Variants in TBC1D8 observed in about 807,000 individuals in gnomAD.
The protein encoded by TBC1D8 is BUB2-like protein 1.
A neutral mutation model predicts 118.8 loss-of-function variants in TBC1D8; 65 were observed. That is an observed-to-expected ratio of 0.55 (90% CI 0.45 to 0.67). The LOEUF is 0.67. TBC1D8 is among the 30% of genes least tolerant of loss of function. The pLI is 0.00. For synonymous variants in TBC1D8, 566 were observed against 595.8 expected (o/e 0.95, Z 0.73); for missense variants, 1,376 against 1,471.2 (o/e 0.94, Z 1.06).
rs78154282 is a variant in TBC1D8 at position 101,128,545 on chromosome 2, A to C, written c.127+22582T>G. On this transcript the variant is annotated intron_variant, in intron 1 of 19. Transcript: ENST00000409318. ...GCAAAAGTCTAGGATTGTCTCAAAA[A>C]ACTTAAGCACAGAATCACCATGTGA... Among the ~76,000 whole-genome samples, 307 of 152,274 alleles carry C rather than the reference A, an allele frequency of 2.0e-3. 5 individuals carry two copies. The East Asian group carries it at 0.023, about 11-fold the overall frequency.
intron 1 of TBC1D8, among the ~76,000 whole-genome samples, chr2:101,134,849 AG>A (rs1678771912): frequency 6.6e-6 from 1 of 152,250 alleles, no homozygotes; most frequent in African/African-American, 2.4e-5. Flanking sequence ...CTGGCTTTCC[AG>A]GTTGCACATG....
At chr2:101,077,918 A>G (rs992650837) in intron 2 of TBC1D8, among the ~76,000 whole-genome samples, 2 of 152,338 alleles carry the variant, frequency 1.3e-5, no homozygotes, top group Admixed American at 6.5e-5. Context: ...ACTCCTGCAG[A>G]TAACAACACT....
chr2:101,130,716 T>C lies in TBC1D8; in HGVS notation c.127+20411A>G, dbSNP rs538792813. Reference sequence around the variant, plus strand: ...AGAATTCCAACCCCAGATTAATCACTAGAGTAATCTTCAAGCTCCATGAGG... The same window carrying C: ...AGAATTCCAACCCCAGATTAATCACCAGAGTAATCTTCAAGCTCCATGAGG... On this transcript the variant is annotated intron_variant, in intron 1 of 19. Transcript: ENST00000409318. Among the ~76,000 whole-genome samples the C allele has an allele frequency of 3.3e-5, 5 of 152,290 alleles. No individual in the cohort carries two copies. The East Asian group carries it at 9.7e-4, about 29-fold the overall frequency.
chr2:101,037,477 C>A, intron 8 of TBC1D8, 55 bp downstream of exon 8: 2 of 1,584,620 alleles, frequency 1.3e-6, no homozygotes, highest in African/African-American at 1.3e-5. Context: ...TGGGCAACCC[C>A]CCCAAGCCCA....
At chr2:101,015,600 T>C (rs1013738009) in intron 17 of TBC1D8, among the ~76,000 whole-genome samples, 6 of 152,218 alleles carry the variant, frequency 3.9e-5, no homozygotes, top group Non-Finnish European at 5.9e-5. Context: ...CTTTTTAACT[T>C]TTCTGTTAAA....
intron 1 of TBC1D8, among the ~76,000 whole-genome samples, chr2:101,148,310 A>T (rs889557210): frequency 6.6e-6 from 1 of 152,240 alleles, no homozygotes; most frequent in Non-Finnish European, 1.5e-5. Context: ...TTAAGAAAAA[A>T]GTGGGATCCA....
At chr2:101,092,149 G>A (rs1010116007) in intron 1 of TBC1D8, among the ~76,000 whole-genome samples, 10 of 152,212 alleles carry the variant, frequency 6.6e-5, no homozygotes, top group African/African-American at 1.9e-4. Context: ...TTTGGACTAC[G>A]TGGGTCTGGA....
Position 101,093,659 on chromosome 2 carries a change from G to A in TBC1D8, c.128-3295C>T, listed in dbSNP as rs549040608. ...GAACCCAGGTGGCAGAGGTTGCAGTGAGCCAAGATCACACCACTGCACTTC... is the reference window on the plus strand; with the variant it reads ...GAACCCAGGTGGCAGAGGTTGCAGTAAGCCAAGATCACACCACTGCACTTC... On this transcript the variant is annotated intron_variant, in intron 1 of 19. Coordinates refer to ENST00000409318, the MANE Select transcript of TBC1D8 (RefSeq NM_001330348.2). Among the ~76,000 whole-genome samples, 5 of 151,980 alleles carry A rather than the reference G, an allele frequency of 3.3e-5. No homozygotes were observed. The South Asian group carries it at 1.0e-3, about 32-fold the overall frequency.
At chr2:101,098,987 G>A (rs192684257) in intron 1 of TBC1D8, among the ~76,000 whole-genome samples, 1 of 151,130 alleles carries the variant, frequency 6.6e-6, no homozygotes, top group Non-Finnish European at 1.5e-5. Context: ...CCAAAAGCTA[G>A]CAGAAGACAA....
At chr2:101,101,689 C>G (rs982675716) in intron 1 of TBC1D8, among the ~76,000 whole-genome samples, 1 of 152,158 alleles carries the variant, frequency 6.6e-6, no homozygotes, top group Non-Finnish European at 1.5e-5. Flanking sequence ...AAATGTGGTA[C>G]ATATACACTA....
chr2:101,116,447 C>A (rs775699370), intron 1 of TBC1D8, among the ~76,000 whole-genome samples: 1 of 152,082 alleles, frequency 6.6e-6, no homozygotes, highest in Non-Finnish European at 1.5e-5. Context: ...CACTGGTCTG[C>A]GTGGAGATTA....
rs1678843221 is a variant in TBC1D8, at chr2:101,007,803, A to AT, written c.*17dup. On this transcript the variant is annotated 3_prime_UTR_variant, in exon 20 of 20. Transcript: ENST00000409318. Reference sequence around the variant, plus strand: ...TTTGGTATGGTGGACTCCAGTGTGCATAGCAGCTGCTGTCTTGCTACAAGT... The same window carrying AT: ...TTTGGTATGGTGGACTCCAGTGTGCATTAGCAGCTGCTGTCTTGCTACAAGT... 6.2e-7 allele frequency: 1 copy of AT among 1,609,480 alleles called. No individual in the cohort carries two copies. The highest frequency in any genetic ancestry group is 8.5e-7 in the Non-Finnish European group (1 of 1,177,046).
At chr2:101,040,500 C>T (rs529114654) in intron 5 of TBC1D8, 115 bp from the exon 6 acceptor site, 52 of 1,076,812 alleles carry the variant, frequency 4.8e-5, no homozygotes, top group Non-Finnish European at 5.7e-5. Flanking sequence ...GACAGAGTCT[C>T]GCTCTGTCGC....
chr2:101,109,738 A>T (rs1008874022), intron 1 of TBC1D8: 14 of 963,844 alleles, frequency 1.5e-5, no homozygotes, highest in African/African-American at 1.8e-5. Context: ...GGGCCTCCCC[A>T]GCCCTGGCTC....
rs1167510073 is a variant in TBC1D8, at chr2:101,023,543, G to A, written c.2521-1022C>T. 8.8e-5 allele frequency: 33 copies of A among 373,874 alleles called. 1 individual carries two copies. The Admixed American group carries it at 1.2e-3, about 13-fold the overall frequency. 23.2% of individuals were successfully genotyped at this position (373,874 alleles called of 1,614,324 possible). Reference sequence around the variant, plus strand: ...GCTACCTGTGGGGAGGGCCCCAGAGGTGGAAGTGAGACTTTTTATTGCATA... The same window carrying A: ...GCTACCTGTGGGGAGGGCCCCAGAGATGGAAGTGAGACTTTTTATTGCATA... On this transcript the variant is annotated intron_variant, in intron 15 of 19. Transcript: ENST00000409318.
At chr2:101,150,285 G>A (rs1573127028) in intron 1 of TBC1D8, among the ~76,000 whole-genome samples, 1 of 152,018 alleles carries the variant, frequency 6.6e-6, no homozygotes, top group South Asian at 2.1e-4. Context: ...AGTAGAACAG[G>A]AACAAGACAG....
intron 1 of TBC1D8, among the ~76,000 whole-genome samples, chr2:101,125,588 C>T (rs1343802506): frequency 6.6e-6 from 1 of 152,160 alleles, no homozygotes; most frequent in Non-Finnish European, 1.5e-5. Context: ...AAAAACTAAG[C>T]CACAAACCAC....
chr2:101,089,422 TA>T (rs5832949), intron 2 of TBC1D8, among the ~76,000 whole-genome samples: 2,738 of 146,482 alleles, frequency 0.019, 66 homozygotes, highest in African/African-American at 0.059. Context: ...TACTCGTGTT[TA>T]AAAAAAAAAA....
chr2:101,122,526 C>T (rs550287676), intron 1 of TBC1D8, among the ~76,000 whole-genome samples: 3 of 150,726 alleles, frequency 2.0e-5, no homozygotes, highest in South Asian at 2.1e-4. Context: ...AAAATCATGA[C>T]AGAAAGCATC....
Sources: allele counts gnomAD v4.1 joint callset (sites outside exome capture counted in the v4.1 genomes callset), GRCh38; gene constraint gnomAD v4.1.1; transcripts MANE v1.5; gene names NCBI Gene and HGNC (gene_info 2026-07-23, HGNC 2026-07-21).